The following DPP10 variants were observed in gnomAD, a reference collection of about 807,000 sequenced individuals.
DPP10 encodes inactive dipeptidyl peptidase 10.
In DPP10, 33 loss-of-function variants were observed where a neutral mutation model predicts 120.9. The ratio of observed to expected loss-of-function variants is 0.27; its 90% CI spans 0.21 to 0.37. The LOEUF is 0.37. Among genes scored for constraint, DPP10 ranks in the 10% least tolerant of loss-of-function variants. The pLI, the probability that DPP10 is intolerant of heterozygous loss-of-function variation, is 1.00. For missense variants in DPP10, 816 were observed against 942.8 expected (o/e 0.87, Z 1.76); for synonymous variants, 337 against 326.1 (o/e 1.03, Z -0.36).
intron 1 of DPP10, among the ~76,000 whole-genome samples, chr2:115,089,045 T>C (rs1247907499): frequency 6.6e-6 from 1 of 152,090 alleles, no homozygotes; most frequent in Non-Finnish European, 1.5e-5. Context: ...CAAGCTTGCC[T>C]CATATCTTCT....
chr2:115,269,316 T>A (rs746645526), intron 1 of DPP10, among the ~76,000 whole-genome samples: 22 of 152,330 alleles, frequency 1.4e-4, no homozygotes, highest in Admixed American at 5.9e-4. Flanking sequence ...GGAGTAAGAA[T>A]ACAGGGTAGC....
At chr2:115,178,384 C>T (rs2053848888) in intron 1 of DPP10, among the ~76,000 whole-genome samples, 3 of 152,136 alleles carry the variant, frequency 2.0e-5, no homozygotes, top group African/African-American at 4.8e-5. Flanking sequence ...TACTTTCCTT[C>T]TCTGAACCAC....
At chr2:114,791,990 T>G (rs896894108) in intron 1 of DPP10, among the ~76,000 whole-genome samples, 51 of 152,352 alleles carry the variant, frequency 3.3e-4, no homozygotes, top group African/African-American at 1.2e-3. Context: ...TTGTTATGCC[T>G]GTTTTCATTT....
intron 1 of DPP10, among the ~76,000 whole-genome samples, chr2:114,984,231 G>C (rs1185627562): frequency 1.3e-5 from 2 of 152,122 alleles, no homozygotes; most frequent in African/African-American, 2.4e-5. Context: ...TATTTTGCCA[G>C]ATAATTAATA....
chr2:114,448,584 G>C (rs1678078332), intron 1 of DPP10, among the ~76,000 whole-genome samples: 1 of 152,104 alleles, frequency 6.6e-6, no homozygotes, highest in African/African-American at 2.4e-5. Flanking sequence ...AAACTCTTGG[G>C]GTAGGGCCCA....
chr2:114,709,880 C>T (rs980740082), intron 1 of DPP10, among the ~76,000 whole-genome samples: 2 of 152,092 alleles, frequency 1.3e-5, no homozygotes, highest in African/African-American at 4.8e-5. Flanking sequence ...AGGATGAGAG[C>T]TTTAAGGGGA....
At chr2:115,286,519 T>TATATAAAATATATATTAC (rs1559366778) in intron 1 of DPP10, among the ~76,000 whole-genome samples, 1 of 43,468 alleles carries the variant, frequency 2.3e-5, no homozygotes, top group African/African-American at 6.3e-5. Context: ...ATATAATATA[T>TATATAAAATATATATTAC]ATATATAATA....
intron 1 of DPP10, among the ~76,000 whole-genome samples, chr2:115,229,782 C>T (rs144047393): frequency 2.0e-5 from 3 of 150,488 alleles, no homozygotes; most frequent in Admixed American, 6.6e-5. Flanking sequence ...ATGCCAGTAG[C>T]ATGTTGTTTG....
intron 1 of DPP10, among the ~76,000 whole-genome samples, chr2:115,070,175 T>G (rs1361374242): frequency 6.6e-6 from 1 of 152,102 alleles, no homozygotes; most frequent in Non-Finnish European, 1.5e-5. Flanking sequence ...TAATACTTCA[T>G]GCAAATGTGA....
intron 1 of DPP10, among the ~76,000 whole-genome samples, chr2:115,088,253 G>A (rs767107392): frequency 3.3e-5 from 5 of 151,928 alleles, no homozygotes; most frequent in Non-Finnish European, 7.4e-5. Context: ...AATTGTTAAG[G>A]GACACAAACA....
At chr2:114,868,883 G>T (rs1690452323) in intron 1 of DPP10, among the ~76,000 whole-genome samples, 1 of 152,158 alleles carries the variant, frequency 6.6e-6, no homozygotes, top group Admixed American at 6.5e-5. Context: ...CGTCTTAACT[G>T]TGCGAATTTG....
At chr2:114,946,994 T>G (rs1437740479) in intron 1 of DPP10, among the ~76,000 whole-genome samples, 2 of 152,152 alleles carry the variant, frequency 1.3e-5, no homozygotes, top group Non-Finnish European at 2.9e-5. Flanking sequence ...ATGTTCCATT[T>G]CTCCTTATGC....
intron 1 of DPP10, among the ~76,000 whole-genome samples, chr2:115,305,295 G>T (rs138915060): frequency 6.6e-6 from 1 of 152,170 alleles, no homozygotes; most frequent in Non-Finnish European, 1.5e-5. Flanking sequence ...ATGTGCAATT[G>T]ATTGCTTTCA....
At chr2:114,741,854 C>T (rs866199848) in intron 1 of DPP10, among the ~76,000 whole-genome samples, 6 of 152,146 alleles carry the variant, frequency 3.9e-5, no homozygotes, top group South Asian at 4.1e-4. Flanking sequence ...TTTCTGGAGA[C>T]TTCAGAGAGA....
At chr2:115,360,237 T>C (rs900901515) in intron 3 of DPP10, among the ~76,000 whole-genome samples, 2 of 152,224 alleles carry the variant, frequency 1.3e-5, no homozygotes, top group Non-Finnish European at 2.9e-5. Context: ...CGGTTAGTGT[T>C]ATTTTATCTT....
chr2:114,782,375 G>T (rs1361289246), intron 1 of DPP10, among the ~76,000 whole-genome samples: 1 of 151,586 alleles, frequency 6.6e-6, no homozygotes, highest in Non-Finnish European at 1.5e-5. Context: ...TATGTATACT[G>T]AACTTTGCAA....
intron 1 of DPP10, among the ~76,000 whole-genome samples, chr2:115,278,827 G>C (rs1333304569): frequency 6.6e-6 from 1 of 152,096 alleles, no homozygotes; most frequent in East Asian, 1.9e-4. Context: ...ATTTCAACTT[G>C]AAGTTGGAGG....
chr2:114,545,997 G>T (rs1687363683), intron 1 of DPP10, among the ~76,000 whole-genome samples: 1 of 151,990 alleles, frequency 6.6e-6, no homozygotes, highest in African/African-American at 2.4e-5. Context: ...TCATATTGAT[G>T]GTCTCTATTT....
At chr2:115,103,184 CT>C (rs71394123) in intron 1 of DPP10, among the ~76,000 whole-genome samples, 2,551 of 122,090 alleles carry the variant, frequency 0.021, 8 homozygotes, top group Middle Eastern at 0.035. Context: ...CTGATTCTCT[CT>C]TTTTTTTTTT....
Sources: gnomAD v4.1 joint callset for allele counts (sites outside exome capture counted in the v4.1 genomes callset) on GRCh38, gnomAD v4.1.1 for gene constraint, MANE v1.5 for transcripts, NCBI Gene and HGNC (gene_info 2026-07-23, HGNC 2026-07-21) for gene names.